YEATS4: variants seen among roughly 807,000 people sequenced by gnomAD.
YEATS4 encodes the protein YEATS domain containing 4.
Under a neutral mutation model 30.1 loss-of-function variants are expected in YEATS4, and 17 were observed. The observed-to-expected ratio is 0.56, with a 90% confidence interval of 0.39 to 0.85. The LOEUF (loss-of-function observed/expected upper bound fraction) is 0.85. YEATS4 is among the 40% of genes least tolerant of loss of function. The pLI, the probability that YEATS4 is intolerant of heterozygous loss-of-function variation, is 0.00. For missense variants in YEATS4, 142 were observed against 268.3 expected, an observed-to-expected ratio of 0.53 and a Z score of 3.29; for synonymous variants, 85 against 87.5, an observed-to-expected ratio of 0.97 and a Z score of 0.16.
chr12:69,421,994 GA>G, the YEATS4 span, among the ~76,000 whole-genome samples: 1 of 152,142 alleles, frequency 6.6e-6, no homozygotes, highest in Non-Finnish European at 1.5e-5. Flanking sequence ...TTGACAACAG[GA>G]CAGGAATCTT....
chr12:69,419,933 G>A, the YEATS4 span, among the ~76,000 whole-genome samples: 1 of 152,230 alleles, frequency 6.6e-6, no homozygotes, highest in Non-Finnish European at 1.5e-5. Context: ...TTAGGTAGGT[G>A]TCAAAAAGCG....
At chr12:69,399,532 A>G in the YEATS4 span, among the ~76,000 whole-genome samples, 2 of 152,346 alleles carry the variant, frequency 1.3e-5, no homozygotes, top group African/African-American at 2.4e-5. Context: ...AAACTCTCAT[A>G]TATTTCTGGT....
chr12:69,425,486 A>G, the YEATS4 span, among the ~76,000 whole-genome samples: 6 of 152,102 alleles, frequency 3.9e-5, no homozygotes, highest in African/African-American at 7.2e-5. Flanking sequence ...ACCTTCTCCT[A>G]TGGAGTGACT....
chr12:69,417,024 G>GATC, the YEATS4 span, among the ~76,000 whole-genome samples: 290 of 151,408 alleles, frequency 1.9e-3, 1 homozygote, highest in Admixed American at 2.9e-3. Flanking sequence ...AGTGAGCCAA[G>GATC]ATCACACCAC....
chr12:69,362,699 A>G (rs1875267567), intron 1 of YEATS4, 89 bp from the exon 2 acceptor site: 1 of 1,006,658 alleles, frequency 9.9e-7, no homozygotes, highest in Non-Finnish European at 1.4e-6. Flanking sequence ...TTAGCCTGCC[A>G]TTCTTTAAAG....
the YEATS4 span, among the ~76,000 whole-genome samples, chr12:69,416,531 C>T: frequency 6.6e-6 from 1 of 152,098 alleles, no homozygotes; most frequent in East Asian, 1.9e-4. Flanking sequence ...TCACTTATCA[C>T]CAGTAGGCAA....
intron 6 of YEATS4, among the ~76,000 whole-genome samples, chr12:69,378,451 TTTCCTTCC>T (rs1875953997): frequency 6.6e-6 from 1 of 152,186 alleles, no homozygotes; most frequent in Non-Finnish European, 1.5e-5. Flanking sequence ...CTCTTTCTTC[TTTCCTTCC>T]TTCCTGTTTT....
intron 4 of YEATS4, among the ~76,000 whole-genome samples, chr12:69,369,054 C>T (rs1202259551): frequency 6.6e-6 from 1 of 152,106 alleles, no homozygotes; most frequent in Non-Finnish European, 1.5e-5. Flanking sequence ...ATAGTAAAAC[C>T]CCATCTCAAA....
chr12:69,374,183 G>C (rs11177630), intron 6 of YEATS4, among the ~76,000 whole-genome samples: 60,304 of 150,304 alleles, frequency 0.4, 12,333 homozygotes, highest in Non-Finnish European at 0.46. Flanking sequence ...TTTGTATTTT[G>C]ATAGGGATTG....
At chr12:69,384,068 A>G (rs138236695) in intron 6 of YEATS4, among the ~76,000 whole-genome samples, 12 of 152,338 alleles carry the variant, frequency 7.9e-5, no homozygotes, top group Non-Finnish European at 1.5e-4. Flanking sequence ...CTGGGTACTA[A>G]TTATAATTTT....
At chr12:69,372,795 C>T (rs190162120) in intron 6 of YEATS4, among the ~76,000 whole-genome samples, 7 of 152,256 alleles carry the variant, frequency 4.6e-5, no homozygotes, top group African/African-American at 7.2e-5. Context: ...ACCTTGGCCT[C>T]CCAAAGTGCT....
At chr12:69,363,702 A>T (rs61929090) in intron 2 of YEATS4, among the ~76,000 whole-genome samples, 2,499 of 152,292 alleles carry the variant, frequency 0.016, 26 homozygotes, top group Admixed American at 0.024. Context: ...TGAGTGAGTA[A>T]ATTATTCCTC....
chr12:69,381,339 G>A (rs765851112), intron 6 of YEATS4, among the ~76,000 whole-genome samples: 3 of 152,134 alleles, frequency 2.0e-5, no homozygotes, highest in Admixed American at 6.5e-5. Context: ...TGTTCTGCCT[G>A]GCTCACCGGC....
intron 6 of YEATS4, among the ~76,000 whole-genome samples, chr12:69,382,518 TA>T (rs1210608032): frequency 1.3e-5 from 2 of 152,200 alleles, no homozygotes; most frequent in Admixed American, 6.5e-5. Context: ...GTACCACAAA[TA>T]TTTACTTAAG....
At chr12:69,377,503 C>T (rs1234231564) in intron 6 of YEATS4, among the ~76,000 whole-genome samples, 1 of 152,058 alleles carries the variant, frequency 6.6e-6, no homozygotes, top group Non-Finnish European at 1.5e-5. Flanking sequence ...TCAAGCGATC[C>T]TCCCACCTCA....
chr12:69,362,013 G>GTTTTTGTTTTTTTTTTTT (rs1555174243), intron 1 of YEATS4, among the ~76,000 whole-genome samples: 8 of 69,066 alleles, frequency 1.2e-4, no homozygotes, highest in Non-Finnish European at 1.6e-4. Context: ...GTGTTTGGTT[G>GTTTTTGTTTTTTTTTTTT]TTTTTTTTTT....
chr12:69,374,881 A>G (rs1013657672), intron 6 of YEATS4, among the ~76,000 whole-genome samples: 3 of 152,076 alleles, frequency 2.0e-5, no homozygotes, highest in African/African-American at 7.2e-5. Flanking sequence ...CCCGTTCTCA[A>G]TGAGCTGTTA....
the YEATS4 span, among the ~76,000 whole-genome samples, chr12:69,408,016 A>G: frequency 6.6e-6 from 1 of 152,216 alleles, no homozygotes; most frequent in Non-Finnish European, 1.5e-5. Flanking sequence ...GTGCCTGGCC[A>G]CTTTTTGTCT....
chr12:69,420,156 T>C, the YEATS4 span, among the ~76,000 whole-genome samples: 1 of 152,236 alleles, frequency 6.6e-6, no homozygotes, highest in African/African-American at 2.4e-5. Flanking sequence ...TCATGGCCCA[T>C]TCCCTCAGCT....
Sources: allele counts gnomAD v4.1 joint callset (sites outside exome capture counted in the v4.1 genomes callset), GRCh38; gene constraint gnomAD v4.1.1; transcripts MANE v1.5; gene names NCBI Gene and HGNC (gene_info 2026-07-23, HGNC 2026-07-21).